Variants in SGCZ observed in about 807,000 individuals in gnomAD.
SGCZ encodes the protein zeta-sarcoglycan.
SGCZ carries 40 observed loss-of-function variants against 41.3 expected under a neutral mutation model. The ratio of observed to expected loss-of-function variants is 0.97; its 90% confidence interval spans 0.75 to 1.26. The LOEUF is 1.26. Ranked by LOEUF, SGCZ falls within the 50% of genes most tolerant of loss-of-function variation. The pLI is 0.00. For synonymous variants in SGCZ, 206 were observed against 137.5 expected (o/e 1.50, Z -3.49); for missense variants, 552 against 369.8 (o/e 1.49, Z -4.04).
At chr8:15,130,572 T>C (rs1035861478) in intron 1 of SGCZ, among the ~76,000 whole-genome samples, 4 of 152,196 alleles carry the variant, frequency 2.6e-5, no homozygotes, top group African/African-American at 4.8e-5. Context: ...TGGCATTCCG[T>C]GTTTAAAACG....
intron 1 of SGCZ, among the ~76,000 whole-genome samples, chr8:15,201,410 A>G (rs1800885363): frequency 6.6e-6 from 1 of 152,230 alleles, no homozygotes. Flanking sequence ...GTAATTATAC[A>G]TAATACTTGC....
At chr8:14,948,492 G>C (rs1405657461) in intron 1 of SGCZ, among the ~76,000 whole-genome samples, 1 of 151,782 alleles carries the variant, frequency 6.6e-6, no homozygotes, top group Non-Finnish European at 1.5e-5. Flanking sequence ...GAGAGAGAGA[G>C]GTCTCCGCTA....
chr8:15,235,435 T>C (rs547948907), intron 1 of SGCZ, among the ~76,000 whole-genome samples: 5 of 152,334 alleles, frequency 3.3e-5, no homozygotes, highest in African/African-American at 9.6e-5. Context: ...ACAACCTCAA[T>C]AGATCCTTGT....
At chr8:15,069,865 C>G (rs1238588189) in intron 1 of SGCZ, among the ~76,000 whole-genome samples, 2 of 152,038 alleles carry the variant, frequency 1.3e-5, no homozygotes, top group East Asian at 1.9e-4. Context: ...TACCTGTGCT[C>G]TTTTCTTTAT....
At chr8:14,234,491 T>A (rs1298856094) in intron 4 of SGCZ, among the ~76,000 whole-genome samples, 1 of 152,130 alleles carries the variant, frequency 6.6e-6, no homozygotes, top group East Asian at 1.9e-4. Flanking sequence ...GAATTGACTA[T>A]ACCTTTCTAA....
intron 1 of SGCZ, among the ~76,000 whole-genome samples, chr8:14,745,958 T>C (rs1362330091): frequency 6.6e-6 from 1 of 152,142 alleles, no homozygotes; most frequent in East Asian, 1.9e-4. Flanking sequence ...CAGTTTCAAT[T>C]ATTTCTTAGA....
intron 1 of SGCZ, among the ~76,000 whole-genome samples, chr8:14,976,488 G>C (rs938006329): frequency 6.6e-6 from 1 of 151,906 alleles, no homozygotes; most frequent in South Asian, 2.1e-4. Context: ...TAACTTGTTA[G>C]ATGTATTTTA....
intron 1 of SGCZ, among the ~76,000 whole-genome samples, chr8:14,836,372 A>T (rs537757732): frequency 1.3e-5 from 2 of 152,334 alleles, no homozygotes; most frequent in South Asian, 2.1e-4. Flanking sequence ...AACCATTATT[A>T]AATCCTCAAT....
intron 3 of SGCZ, among the ~76,000 whole-genome samples, chr8:14,313,176 C>G (rs1019669930): frequency 1.4e-4 from 21 of 152,120 alleles, no homozygotes; most frequent in African/African-American, 5.1e-4. Flanking sequence ...GCTGTTAGAA[C>G]TGGTTGAGAA....
chr8:14,343,632 G>A (rs1802788382), intron 2 of SGCZ, among the ~76,000 whole-genome samples: 1 of 152,170 alleles, frequency 6.6e-6, no homozygotes, highest in Admixed American at 6.5e-5. Context: ...AGGGGTTCTA[G>A]TAAATATTGC....
At chr8:15,002,860 C>T (rs1802476263) in intron 1 of SGCZ, among the ~76,000 whole-genome samples, 1 of 152,042 alleles carries the variant, frequency 6.6e-6, no homozygotes, top group Non-Finnish European at 1.5e-5. Context: ...CCCATAAATC[C>T]CACATGCCAT....
At chr8:15,093,209 T>C (rs918759651) in intron 1 of SGCZ, among the ~76,000 whole-genome samples, 4 of 152,152 alleles carry the variant, frequency 2.6e-5, no homozygotes, top group Non-Finnish European at 4.4e-5. Flanking sequence ...TAAAGAACAT[T>C]TGTATAGATT....
At chr8:14,546,155 G>A (rs1037642531) in intron 2 of SGCZ, among the ~76,000 whole-genome samples, 2 of 152,120 alleles carry the variant, frequency 1.3e-5, no homozygotes, top group Non-Finnish European at 2.9e-5. Context: ...CATCAATCCT[G>A]TAATAAATCC....
At chr8:14,469,650 A>G (rs1457859899) in intron 2 of SGCZ, among the ~76,000 whole-genome samples, 1 of 152,114 alleles carries the variant, frequency 6.6e-6, no homozygotes, top group Non-Finnish European at 1.5e-5. Flanking sequence ...CACCAGAAAG[A>G]CCAAGGCATG....
At chr8:14,817,217 G>A (rs917032352) in intron 1 of SGCZ, among the ~76,000 whole-genome samples, 1 of 152,110 alleles carries the variant, frequency 6.6e-6, no homozygotes, top group African/African-American at 2.4e-5. Context: ...CATAGAGAGG[G>A]GATGGAGGCA....
chr8:15,157,155 C>T (rs1046085360), intron 1 of SGCZ, among the ~76,000 whole-genome samples: 8 of 152,118 alleles, frequency 5.3e-5, no homozygotes, highest in Admixed American at 5.2e-4. Flanking sequence ...TCTGCTAAGG[C>T]CCAATATTAC....
intron 2 of SGCZ, among the ~76,000 whole-genome samples, chr8:14,357,781 G>T (rs1803349978): frequency 1.3e-5 from 2 of 152,156 alleles, no homozygotes; most frequent in African/African-American, 4.8e-5. Context: ...GCTAAGGGAA[G>T]ATGAAGAATA....
chr8:14,306,795 T>A (rs940372792), intron 3 of SGCZ, among the ~76,000 whole-genome samples: 4 of 152,200 alleles, frequency 2.6e-5, no homozygotes, highest in African/African-American at 9.6e-5. Flanking sequence ...ATATCAGTAT[T>A]AAATTCAGGA....
At chr8:14,715,019 G>C (rs1321412406) in intron 1 of SGCZ, among the ~76,000 whole-genome samples, 2 of 152,032 alleles carry the variant, frequency 1.3e-5, no homozygotes, top group South Asian at 2.1e-4. Flanking sequence ...TTTTGCCTAA[G>C]GATAGCAGTT....
Sources: gnomAD v4.1 joint callset for allele counts (sites outside exome capture counted in the v4.1 genomes callset) on GRCh38, gnomAD v4.1.1 for gene constraint, MANE v1.5 for transcripts, NCBI Gene and HGNC (gene_info 2026-07-23, HGNC 2026-07-21) for gene names.